Variants in NUDCD1 observed in about 807,000 individuals in gnomAD.
NUDCD1 encodes the protein nudC domain-containing protein 1.
In NUDCD1, 60 loss-of-function variants were observed where a neutral mutation model predicts 67.8. The observed-to-expected ratio is 0.88, with a 90% CI of 0.72 to 1.10. The LOEUF is 1.10. Ranked by LOEUF, NUDCD1 falls within the 50% of genes least tolerant of loss-of-function variation. NUDCD1 has a pLI of 0.00. For missense variants in NUDCD1, 643 were observed against 695.0 expected (o/e 0.93, Z 0.84); for synonymous variants, 244 against 230.8 (o/e 1.06, Z -0.52).
chr8:109,266,887 T>C (rs1463648806), intron 8 of NUDCD1, among the ~76,000 whole-genome samples: 3 of 152,194 alleles, frequency 2.0e-5, no homozygotes, highest in Non-Finnish European at 4.4e-5. Context: ...CTAATGTCCA[T>C]GTCTTTAAAG....
intron 2 of NUDCD1, among the ~76,000 whole-genome samples, chr8:109,309,296 A>T (rs1311859908): frequency 3.3e-5 from 5 of 151,454 alleles, no homozygotes; most frequent in African/African-American, 9.8e-5. Context: ...AGATGCAGGG[A>T]TGGTTTAATA....
At chr8:109,299,551 A>G (rs776132686) in intron 2 of NUDCD1, among the ~76,000 whole-genome samples, 1 of 152,126 alleles carries the variant, frequency 6.6e-6, no homozygotes, top group Non-Finnish European at 1.5e-5. Flanking sequence ...ACATAACTCC[A>G]TTGACCTGGA....
In NUDCD1 at chr8:109,289,812, A is replaced by T; in HGVS notation, c.762T>A (p.Phe254Leu). 6.4e-7 allele frequency: 1 copy of T among 1,570,574 alleles called. No homozygotes were observed. Among genetic ancestry groups the T allele is most frequent in the South Asian group, 1.1e-5 (1 of 87,194 alleles). The change falls in exon 5 of 10, where the codon TTT (phenylalanine) becomes TTA (leucine). Residue 254 changes from phenylalanine to leucine, a missense_variant. Transcript: ENST00000239690. The part of the protein sequence containing the change: ...LMIVSYKSLT[F>L]VQAGQDLEEN... ...CTTCAAGATCTTGACCAGCCTGAAC[A>T]AATGTTAAAGACTTGTAGGATACAA...
chr8:109,245,042 T>C (rs746403726), intron 9 of NUDCD1, among the ~76,000 whole-genome samples: 4 of 152,106 alleles, frequency 2.6e-5, no homozygotes, highest in Non-Finnish European at 4.4e-5. Flanking sequence ...CTTACAGAAT[T>C]AGAAAAAGCA....
intron 2 of NUDCD1, among the ~76,000 whole-genome samples, chr8:109,299,858 G>C (rs184815853): frequency 3.4e-4 from 52 of 152,224 alleles, no homozygotes; most frequent in African/African-American, 1.2e-3. Flanking sequence ...ATTTCACCCC[G>C]CTGACACCTC....
chr8:109,301,719 C>T (rs1219225687), intron 2 of NUDCD1, among the ~76,000 whole-genome samples: 1 of 152,250 alleles, frequency 6.6e-6, no homozygotes. Flanking sequence ...TTCAATCTCC[C>T]TGTCCTTCCA....
intron 2 of NUDCD1, among the ~76,000 whole-genome samples, chr8:109,300,907 T>C (rs2130060651): frequency 6.6e-6 from 1 of 152,342 alleles, no homozygotes; most frequent in South Asian, 2.1e-4. Context: ...ATTTGTCAGC[T>C]GAAGCCCTAC....
At chr8:109,310,878 C>T (rs562513793) in intron 2 of NUDCD1, among the ~76,000 whole-genome samples, 5 of 130,382 alleles carry the variant, frequency 3.8e-5, no homozygotes, top group East Asian at 2.2e-4. Context: ...TGCAGTGGTG[C>T]GATCTCGGCT....
rs557796348 is a variant in NUDCD1 at position 109,271,846 on chromosome 8, A to T, written c.1174-716T>A. ...AGATGTAAAAGACAGCTGACTTCTC[A>T]TCAGAAACTATGTAGGCCGGAATAC... On this transcript the variant is annotated intron_variant, in intron 7 of 9. Coordinates refer to ENST00000239690, the MANE Select transcript of NUDCD1 (RefSeq NM_032869.4). Among the ~76,000 whole-genome samples, 25 of 152,306 alleles carry T rather than the reference A, an allele frequency of 1.6e-4. No individual in the cohort carries two copies. The South Asian group carries it at 5.0e-3, about 30-fold the overall frequency.
In NUDCD1 at chr8:109,285,537, C is replaced by T. The variant is rs527851328; in HGVS notation, c.823+4214G>A. Among the ~76,000 whole-genome samples the T allele has an allele frequency of 6.6e-5, 10 of 152,162 alleles. No individual in the cohort carries two copies. The East Asian group carries it at 1.7e-3, about 26-fold the overall frequency. Reference sequence around the variant, plus strand: ...GCAAATCAATAAATGTGATTCACTACATAAACAGAATTAAAAACAAAAATC... The same window carrying T: ...GCAAATCAATAAATGTGATTCACTATATAAACAGAATTAAAAACAAAAATC... On this transcript the variant is annotated intron_variant, in intron 5 of 9. Coordinates refer to ENST00000239690, the MANE Select transcript of NUDCD1 (RefSeq NM_032869.4).
At chr8:109,245,177 A>T in intron 9 of NUDCD1, 145 bp downstream of exon 9, 1 of 717,742 alleles carries the variant, frequency 1.4e-6, no homozygotes, top group Non-Finnish European at 2.2e-6. Flanking sequence ...ACTCACAACT[A>T]GTACAAGCAA....
At chr8:109,295,790 G>A (rs1814829342) in intron 3 of NUDCD1, among the ~76,000 whole-genome samples, 1 of 151,736 alleles carries the variant, frequency 6.6e-6, no homozygotes, top group Non-Finnish European at 1.5e-5. Flanking sequence ...TTATCTACTT[G>A]GCATCATTTT....
intron 1 of NUDCD1, among the ~76,000 whole-genome samples, chr8:109,329,547 C>T (rs60480437): frequency 0.046 from 6,927 of 152,110 alleles, 529 homozygotes; most frequent in African/African-American, 0.16. Flanking sequence ...ATAAGCAAGA[C>T]TGAGGCTATA....
intron 2 of NUDCD1, among the ~76,000 whole-genome samples, chr8:109,311,260 A>G (rs1048055881): frequency 6.6e-6 from 1 of 152,216 alleles, no homozygotes; most frequent in African/African-American, 2.4e-5. Flanking sequence ...TAATCTAAAC[A>G]TCAAAAAATA....
chr8:109,285,983 A>AG (rs1345425091), intron 5 of NUDCD1, among the ~76,000 whole-genome samples: 1 of 152,144 alleles, frequency 6.6e-6, no homozygotes, highest in Non-Finnish European at 1.5e-5. Flanking sequence ...GAAAATCAGT[A>AG]GCATTTCTAC....
intron 2 of NUDCD1, among the ~76,000 whole-genome samples, chr8:109,297,155 T>C (rs1814864829): frequency 6.6e-6 from 1 of 152,208 alleles, no homozygotes; most frequent in Non-Finnish European, 1.5e-5. Flanking sequence ...ACTAATACAA[T>C]GCAGTAATCT....
At chr8:109,318,863 T>C (rs996577272) in intron 2 of NUDCD1, among the ~76,000 whole-genome samples, 4 of 151,988 alleles carry the variant, frequency 2.6e-5, no homozygotes, top group Admixed American at 6.6e-5. Flanking sequence ...ATTCAACAAA[T>C]ATACTGATCA....
intron 9 of NUDCD1, among the ~76,000 whole-genome samples, chr8:109,244,349 G>A (rs542929951): frequency 2.6e-5 from 4 of 152,020 alleles, no homozygotes; most frequent in East Asian, 3.9e-4. Flanking sequence ...CCTATAATAG[G>A]GGATTTGGGG....
intron 1 of NUDCD1, among the ~76,000 whole-genome samples, chr8:109,333,597 C>G (rs1221564237): frequency 6.6e-6 from 1 of 152,166 alleles, no homozygotes; most frequent in Non-Finnish European, 1.5e-5. Context: ...TGTGGACACA[C>G]AGCAGCCAGA....
Sources: gnomAD v4.1 joint callset for allele counts (sites outside exome capture counted in the v4.1 genomes callset) on GRCh38, gnomAD v4.1.1 for gene constraint, MANE v1.5 for transcripts, NCBI Gene and HGNC (gene_info 2026-07-23, HGNC 2026-07-21) for gene names.